Variants in LIN28A observed in about 807,000 individuals in gnomAD.
LIN28A encodes the protein lin-28 RNA binding posttranscriptional regulator A, also known as protein lin-28 homolog A.
A neutral mutation model predicts 21.1 loss-of-function variants in LIN28A; 11 were observed. That is an observed-to-expected ratio of 0.52 (90% CI 0.33 to 0.86). The LOEUF (loss-of-function observed/expected upper bound fraction) is 0.86, where lower values mean the gene tolerates loss of function less well. LIN28A is among the 40% of genes least tolerant of loss of function. LIN28A has a pLI of 0.03. For missense variants in LIN28A, 219 were observed against 279.8 expected, an observed-to-expected ratio of 0.78 and a Z score of 1.55; for synonymous variants, 111 against 108.7, an observed-to-expected ratio of 1.02 and a Z score of -0.13.
At position 26,428,104 on chromosome 1, in the gene LIN28A, T is replaced by G. The variant is rs1294330327; in HGVS notation, c.*1646T>G. ...GGACTTCACTACGTTGATTGCTAGG[T>G]GGCCTAGTTTGTGTAAATATAATGT... is the stretch of plus-strand genomic sequence containing the variant. On this transcript the variant is annotated 3_prime_UTR_variant, in exon 4 of 4. Transcript: ENST00000326279. The G allele has an allele frequency of 1.3e-5, 2 of 152,674 alleles. 1 individual carries two copies. Among genetic ancestry groups the G allele is most frequent in the African/African-American group, 4.8e-5 (2 of 41,446 alleles). 9.5% of individuals were successfully genotyped at this position (152,674 alleles called of 1,614,324 possible). A position where few individuals can be genotyped will look rare whatever the true frequency, so the allele number is the denominator to read the frequency against.
intron 2 of LIN28A, among the ~76,000 whole-genome samples, chr1:26,422,957 G>A (rs1175510613): frequency 6.6e-6 from 1 of 152,206 alleles, no homozygotes; most frequent in South Asian, 2.1e-4. Context: ...TTCTGAGAGA[G>A]GGTCTTACTC....
chr1:26,412,947 C>T (rs2074969819), intron 2 of LIN28A, among the ~76,000 whole-genome samples: 1 of 152,162 alleles, frequency 6.6e-6, no homozygotes, highest in South Asian at 2.1e-4. Context: ...TGCCCCTTTG[C>T]AGCACCCTTA....
At position 26,411,937 on chromosome 1, in the gene LIN28A, G is replaced by A. The variant is rs1390966465; in HGVS notation, c.228+355G>A. Among the ~76,000 whole-genome samples, 1 of 152,206 alleles carries A rather than the reference G, an allele frequency of 6.6e-6. No homozygotes were observed. The highest frequency in any genetic ancestry group is 2.4e-5 in the African/African-American group (1 of 41,452). ...GGGGAGGGCGAGCAGGCCGGCCAGGGAAGCACATGCCGGGCCTAAGCCGGG... is the reference window on the plus strand; with the variant it reads ...GGGGAGGGCGAGCAGGCCGGCCAGGAAAGCACATGCCGGGCCTAAGCCGGG... On this transcript the variant is annotated intron_variant, in intron 2 of 3. Transcript: ENST00000326279. The surrounding 1 kb of genome is among the most constrained non-coding windows in gnomAD (Gnocchi z 5.4).
intron 2 of LIN28A, among the ~76,000 whole-genome samples, chr1:26,423,428 T>TTC (rs2075039577): frequency 7.4e-6 from 1 of 135,804 alleles, no homozygotes; most frequent in Non-Finnish European, 1.6e-5. Context: ...TTTTTTTTTT[T>TTC]TTTTTTTTGT....
rs1270305925 is a variant in LIN28A at position 26,428,428 on chromosome 1, T to C, written c.*1970T>C. 4 of 152,228 alleles carry C rather than the reference T, an allele frequency of 2.6e-5. No homozygotes were observed. The highest frequency in any genetic ancestry group is 9.6e-5 in the African/African-American group (4 of 41,452). The allele number at this position is 152,228 out of a possible 1,614,324, so 9.4% of individuals were successfully genotyped here. The stretch of plus-strand genomic sequence containing the variant: ...CACACCCACACACATACACATTTCA[T>C]GCTTGGAGTGTCTCCACAACTCTTA... On this transcript the variant is annotated 3_prime_UTR_variant, in exon 4 of 4. Coordinates refer to ENST00000326279, the MANE Select transcript of LIN28A (RefSeq NM_024674.6).
Position 26,421,313 on chromosome 1 carries a change from T to C in LIN28A, c.229-3990T>C, listed in dbSNP as rs189453507. ...ACCAAAGACTTTACGTTGTTCTTAA[T>C]GGCTGCGTGGTATTCATTATTATAG... On this transcript the variant is annotated intron_variant, in intron 2 of 3. Coordinates refer to ENST00000326279, the MANE Select transcript of LIN28A (RefSeq NM_024674.6). Among the ~76,000 whole-genome samples the C allele has an allele frequency of 4.6e-3, 702 of 152,362 alleles. 3 individuals carry two copies. Among genetic ancestry groups the C allele is most frequent in the Middle Eastern group, 0.027 (8 of 294 alleles).
intron 2 of LIN28A, among the ~76,000 whole-genome samples, chr1:26,416,710 C>A (rs921708539): frequency 6.6e-6 from 1 of 152,060 alleles, no homozygotes; most frequent in African/African-American, 2.4e-5. Context: ...CTCCACCTCC[C>A]AGGTTTGAGC....
intron 2 of LIN28A, among the ~76,000 whole-genome samples, chr1:26,418,908 C>T (rs1257047339): frequency 6.6e-6 from 1 of 152,098 alleles, no homozygotes; most frequent in Non-Finnish European, 1.5e-5. Context: ...AAGGAAGAAA[C>T]AGTTGAATGT....
At chr1:26,417,124 C>T (rs937500026) in intron 2 of LIN28A, among the ~76,000 whole-genome samples, 2 of 152,214 alleles carry the variant, frequency 1.3e-5, no homozygotes, top group South Asian at 4.1e-4. Flanking sequence ...CACTTGAGTT[C>T]ACAGCTCAGA....
rs1249160506 is a variant in LIN28A at position 26,411,751 on chromosome 1, G to C, written c.228+169G>C. Among the ~76,000 whole-genome samples, 3 of 152,218 alleles carry C rather than the reference G, an allele frequency of 2.0e-5. No homozygotes were observed. Among genetic ancestry groups the C allele is most frequent in the African/African-American group, 7.2e-5 (3 of 41,456 alleles). On this transcript the variant is annotated intron_variant, in intron 2 of 3. Coordinates refer to ENST00000326279, the MANE Select transcript of LIN28A (RefSeq NM_024674.6). This position sits in a 1 kb window ranked among gnomAD's most constrained non-coding sequence, Gnocchi z 5.4. ...GAGTCCCTGTTAACTATCTCGTGGG[G>C]GAGTAGTGGGAGGCAGCACCAATTA... is the stretch of plus-strand genomic sequence containing the variant.
rs758386406 is a variant in LIN28A at position 26,410,909 on chromosome 1, C to T, written c.18C>T (p.Asn6=). The change falls in exon 1 of 4, where the codon AAC becomes AAT. Residue 6 remains asparagine (N), a synonymous_variant. Coordinates refer to ENST00000326279, the MANE Select transcript of LIN28A (RefSeq NM_024674.6). ...CGACGACCATGGGCTCCGTGTCCAA[C>T]CAGCAGTTTGCAGGTTCGAGCTCGG... MGSVS[N]QQFAGGCAKA... 1.9e-6 allele frequency: 3 copies of T among 1,607,380 alleles called. No homozygotes were observed. The South Asian group carries it at 3.3e-5, about 18-fold the overall frequency.
rs771075485 is a variant in LIN28A at position 26,425,506 on chromosome 1, C to T, written c.413+19C>T. On this transcript the variant is annotated intron_variant, in intron 3 of 3. Transcript: ENST00000326279. ...GAGACAGGTATGGATTGGAAGGCAGCTTATATAGGTTGCTAAGGGCATCCC... is the reference window on the plus strand; with the variant it reads ...GAGACAGGTATGGATTGGAAGGCAGTTTATATAGGTTGCTAAGGGCATCCC... The T allele has an allele frequency of 6.2e-7, 1 of 1,609,772 alleles. No individual in the cohort carries two copies.
At chr1:26,418,362 C>T (rs935841830) in intron 2 of LIN28A, among the ~76,000 whole-genome samples, 3 of 151,918 alleles carry the variant, frequency 2.0e-5, no homozygotes, top group South Asian at 4.1e-4. Flanking sequence ...CTGGCTAACG[C>T]GGTGAAACCC....
rs1044066567 is a variant in LIN28A, at chr1:26,428,531, C to T, written c.*2073C>T. 12 of 140,772 alleles carry T rather than the reference C, an allele frequency of 8.5e-5. No individual in the cohort carries two copies. Among genetic ancestry groups the T allele is most frequent in the African/African-American group, 3.2e-4 (12 of 37,290 alleles). The allele number at this position is 140,772 out of a possible 1,614,324, so 8.7% of individuals were successfully genotyped here. ...CAACCTCCTAAGTCAAGACCATTACCATTTCTTTCTTTCTTTTTTTTTTTT... is the reference window on the plus strand; with the variant it reads ...CAACCTCCTAAGTCAAGACCATTACTATTTCTTTCTTTCTTTTTTTTTTTT... On this transcript the variant is annotated 3_prime_UTR_variant, in exon 4 of 4. Coordinates refer to ENST00000326279, the MANE Select transcript of LIN28A (RefSeq NM_024674.6).
intron 2 of LIN28A, among the ~76,000 whole-genome samples, chr1:26,419,111 G>A (rs1000171638): frequency 1.1e-4 from 16 of 151,948 alleles, no homozygotes; most frequent in Admixed American, 8.5e-4. Flanking sequence ...CCTGCTTTGT[G>A]TGTGGTTGGG....
At position 26,427,074 on chromosome 1, in the gene LIN28A, C is replaced by G. The variant is rs1027129981; in HGVS notation, c.*616C>G. 6.5e-6 allele frequency: 1 copy of G among 154,100 alleles called. No individual in the cohort carries two copies. The highest frequency in any genetic ancestry group is 1.4e-5 in the Non-Finnish European group (1 of 69,152). 9.5% of individuals were successfully genotyped at this position (154,100 alleles called of 1,614,324 possible). ...GCCAATGTGATTTTATTTATTTGCT[C>G]CCTTGGATACTGCACCTTGGGTCCC... On this transcript the variant is annotated 3_prime_UTR_variant, in exon 4 of 4. Coordinates refer to ENST00000326279, the MANE Select transcript of LIN28A (RefSeq NM_024674.6).
chr1:26,411,678 G>C lies in LIN28A; in HGVS notation c.228+96G>C. The C allele has an allele frequency of 7.8e-7, 1 of 1,277,614 alleles. No homozygotes were observed. The highest frequency in any genetic ancestry group is 1.3e-5 in the South Asian group (1 of 78,242). 79.1% of individuals were successfully genotyped at this position (1,277,614 alleles called of 1,614,324 possible). A position where few individuals can be genotyped will look rare whatever the true frequency, so the allele number is the denominator to read the frequency against. ...GCTCGCAGTTGAATTGAGGGCCATC[G>C]GGAGCCCTCATTATGCATCCCTGTC... On this transcript the variant is annotated intron_variant, in intron 2 of 3. Transcript: ENST00000326279. This position sits in a 1 kb window ranked among gnomAD's most constrained non-coding sequence, Gnocchi z 5.4.
In LIN28A at chr1:26,427,884, G is replaced by T. The variant is rs1312204114; in HGVS notation, c.*1426G>T. On this transcript the variant is annotated 3_prime_UTR_variant, in exon 4 of 4. Coordinates refer to ENST00000326279, the MANE Select transcript of LIN28A (RefSeq NM_024674.6). Reference sequence around the variant, plus strand: ...CTGTGTCCTGCCCTGCTACAGTAGTGATTAATAGTGTCATGGTAGCTAAAG... The same window carrying T: ...CTGTGTCCTGCCCTGCTACAGTAGTTATTAATAGTGTCATGGTAGCTAAAG... 6.6e-6 allele frequency: 1 copy of T among 152,602 alleles called. No individual in the cohort carries two copies. The highest frequency in any genetic ancestry group is 1.5e-5 in the Non-Finnish European group (1 of 68,044). The allele number at this position is 152,602 out of a possible 1,614,324, so 9.5% of individuals were successfully genotyped here. A position where few individuals can be genotyped will look rare whatever the true frequency, so the allele number is the denominator to read the frequency against.
chr1:26,421,180 T>G (rs946576608), intron 2 of LIN28A, among the ~76,000 whole-genome samples: 16 of 152,338 alleles, frequency 1.1e-4, no homozygotes, highest in Admixed American at 2.0e-4. Flanking sequence ...ACAATATTAT[T>G]TGGTGATCTT....
Sources: gnomAD v4.1 joint callset for allele counts (sites outside exome capture counted in the v4.1 genomes callset) on GRCh38, gnomAD v4.1.1 for gene constraint, Gnocchi (gnomAD v3.1) non-coding constraint, MANE v1.5 for transcripts, NCBI Gene and HGNC (gene_info 2026-07-23, HGNC 2026-07-21) for gene names.